DHRSX: variants seen among roughly 807,000 people sequenced by gnomAD.
The protein encoded by DHRSX is dehydrogenase/reductase X-linked.
DHRSX carries 31 observed loss-of-function variants against 34.0 expected under a neutral mutation model. That is an observed-to-expected ratio of 0.91 (90% CI 0.69 to 1.23). The LOEUF (loss-of-function observed/expected upper bound fraction) is 1.23. DHRSX is among the 50% of genes most tolerant of loss of function. DHRSX has a pLI of 0.00. For synonymous variants in DHRSX, 201 were observed against 183.8 expected, an observed-to-expected ratio of 1.09 and a Z score of -0.76; for missense variants, 414 against 428.1, an observed-to-expected ratio of 0.97 and a Z score of 0.29.
intron 1 of DHRSX, among the ~76,000 whole-genome samples, chrX:2,475,835 A>G (rs1462090319): frequency 6.6e-6 from 1 of 152,202 alleles, no homozygotes; most frequent in East Asian, 1.9e-4. Context: ...GAGGCTCTTC[A>G]GGGCACCTCC....
intron 3 of DHRSX, among the ~76,000 whole-genome samples, chrX:2,378,896 T>G (rs1455876750): frequency 6.6e-6 from 1 of 152,146 alleles, no homozygotes; most frequent in African/African-American, 2.4e-5. Context: ...GGTCACGAAC[T>G]CCCAACCTCA....
At chrX:2,259,483 C>G (rs1051373074) in intron 5 of DHRSX, among the ~76,000 whole-genome samples, 114 of 151,974 alleles carry the variant, frequency 7.5e-4, no homozygotes, top group Non-Finnish European at 7.6e-4. Flanking sequence ...AGAGCCGGCT[C>G]TGAGCTGGCT....
chrX:2,480,793 G>A (rs2044757179), intron 1 of DHRSX, among the ~76,000 whole-genome samples: 1 of 151,830 alleles, frequency 6.6e-6, no homozygotes, highest in Non-Finnish European at 1.5e-5. Flanking sequence ...ACTCCAGCCT[G>A]GGTGATAGGG....
At chrX:2,338,170 T>C (rs763439868) in intron 3 of DHRSX, among the ~76,000 whole-genome samples, 31 of 150,790 alleles carry the variant, frequency 2.1e-4, no homozygotes, top group African/African-American at 7.5e-4. Context: ...CCGTCTCTAC[T>C]AAAAATGCAA....
intron 1 of DHRSX, among the ~76,000 whole-genome samples, chrX:2,474,373 CACT>C (rs2044640958): frequency 6.6e-6 from 1 of 151,790 alleles, no homozygotes; most frequent in African/African-American, 2.4e-5. Flanking sequence ...GCCAAGGGAC[CACT>C]GCCATGTACA....
At chrX:2,386,245 A>G (rs2043271275) in intron 3 of DHRSX, among the ~76,000 whole-genome samples, 2 of 151,876 alleles carry the variant, frequency 1.3e-5, no homozygotes, top group Admixed American at 6.6e-5. Context: ...AGAGAGACGG[A>G]GTCTTGCTCT....
At position 2,466,173 on chromosome X, in the gene DHRSX, G is replaced by A. The variant is rs780480147; in HGVS notation, c.109+34644C>T. On this transcript the variant is annotated intron_variant, in intron 1 of 6. Coordinates refer to ENST00000334651, the MANE Select transcript of DHRSX (RefSeq NM_145177.3). ...AATGGGATTGGTTGGGCGTGGCGGC[G>A]CATGCCTGTAATCCCAGCACTTTGG... Among the ~76,000 whole-genome samples the A allele has an allele frequency of 2.4e-4, 36 of 152,276 alleles. 1 individual carries two copies. The highest frequency in any genetic ancestry group is 4.4e-4 in the Non-Finnish European group (30 of 68,020).
intron 3 of DHRSX, among the ~76,000 whole-genome samples, chrX:2,343,410 A>C (rs976025917): frequency 6.6e-5 from 10 of 152,286 alleles, no homozygotes; most frequent in African/African-American, 2.2e-4. Context: ...TCCATGTTAC[A>C]TTTCATTCAA....
chrX:2,221,037 G>T lies in DHRSX; in HGVS notation c.*4C>A. The T allele has an allele frequency of 6.2e-7, 1 of 1,613,444 alleles. No homozygotes were observed. The highest frequency in any genetic ancestry group is 1.7e-5 in the Admixed American group (1 of 59,970). On this transcript the variant is annotated 3_prime_UTR_variant, in exon 7 of 7. Coordinates refer to ENST00000334651, the MANE Select transcript of DHRSX (RefSeq NM_145177.3). ...TGGGGCAGCAGCTATCCTGAGACAG[G>T]ATATCACAGGGTCACATCAAGGACC...
At chrX:2,339,204 C>T (rs1356454820) in intron 3 of DHRSX, among the ~76,000 whole-genome samples, 3 of 151,880 alleles carry the variant, frequency 2.0e-5, no homozygotes, top group Non-Finnish European at 4.4e-5. Context: ...GGCATGATCT[C>T]GGCTCACTGC....
chrX:2,250,423 C>A (rs2016410593), intron 5 of DHRSX, among the ~76,000 whole-genome samples: 2 of 152,074 alleles, frequency 1.3e-5, no homozygotes, highest in Admixed American at 6.6e-5. Context: ...CCGAGAGCTG[C>A]TGGTGGCCTA....
intron 3 of DHRSX, among the ~76,000 whole-genome samples, chrX:2,380,502 A>C (rs187983074): frequency 1.3e-5 from 2 of 152,196 alleles, no homozygotes; most frequent in African/African-American, 4.8e-5. Context: ...AGATGTATAG[A>C]TATGATGTAT....
chrX:2,361,146 C>T (rs181255201), intron 3 of DHRSX, among the ~76,000 whole-genome samples: 1 of 152,250 alleles, frequency 6.6e-6, no homozygotes, highest in Admixed American at 6.5e-5. Context: ...AGTTTTCACT[C>T]TGTCGCCAGG....
chrX:2,425,292 C>G lies in DHRSX; in HGVS notation c.122G>C (p.Arg41Pro). The G allele has an allele frequency of 6.2e-7, 1 of 1,613,308 alleles. No homozygotes were observed. Among genetic ancestry groups the G allele is most frequent in the Non-Finnish European group, 8.5e-7 (1 of 1,179,542 alleles). ...GGFLEPVFPP[R>P]PDRVAIVTGG... The stretch of plus-strand genomic sequence containing the variant: ...CGTCACTATAGCGACACGGTCAGGT[C>G]GTGGGGGGAAAACTGAAAAAGAAGA... The change falls in exon 2 of 7, where the codon CGA becomes CCA. Residue 41 changes from arginine (R) to proline (P), a missense_variant. Coordinates refer to ENST00000334651, the MANE Select transcript of DHRSX (RefSeq NM_145177.3).
Position 2,294,349 on chromosome X carries a change from G to C in DHRSX, c.287-2746C>G, listed in dbSNP as rs370936231. On this transcript the variant is annotated intron_variant, in intron 3 of 6. Coordinates refer to ENST00000334651, the MANE Select transcript of DHRSX (RefSeq NM_145177.3). ...ACGTGAGGTCAGGACTTTGAGACCA[G>C]CTTGGCTAACATGTTGAAACCTCGT... 8.5e-5 allele frequency among the ~76,000 whole-genome samples: 13 copies of C among 152,176 alleles called. No individual in the cohort carries two copies. In the South Asian group the frequency reaches 2.5e-3, roughly 29 times the overall value.
chrX:2,404,976 T>C (rs2043533838), intron 3 of DHRSX, among the ~76,000 whole-genome samples: 1 of 152,216 alleles, frequency 6.6e-6, no homozygotes, highest in South Asian at 2.1e-4. Flanking sequence ...CATTGTACAC[T>C]GGGCTTGGCT....
intron 6 of DHRSX, among the ~76,000 whole-genome samples, chrX:2,236,133 AAAAT>A (rs1251401237): frequency 6.6e-6 from 1 of 151,222 alleles, no homozygotes; most frequent in East Asian, 2.0e-4. Flanking sequence ...ATAAATAAAT[AAAAT>A]AAATAAATCC....
chrX:2,227,188 A>T (rs2015686312), intron 6 of DHRSX, among the ~76,000 whole-genome samples: 2 of 151,972 alleles, frequency 1.3e-5, no homozygotes. Flanking sequence ...GTCTGCACAG[A>T]ATCCTGCACC....
intron 3 of DHRSX, among the ~76,000 whole-genome samples, chrX:2,385,255 C>T (rs115717571): frequency 0.068 from 10,386 of 152,024 alleles, 751 homozygotes; most frequent in African/African-American, 0.18. Flanking sequence ...AAATGTGACA[C>T]TGGAAATTCA....
Sources: allele counts gnomAD v4.1 joint callset (sites outside exome capture counted in the v4.1 genomes callset), GRCh38; gene constraint gnomAD v4.1.1; transcripts MANE v1.5; gene names NCBI Gene and HGNC (gene_info 2026-07-23, HGNC 2026-07-21).